Variants in KCNQ4 observed in about 807,000 individuals in gnomAD.
The protein encoded by KCNQ4 is potassium voltage-gated channel subfamily KQT member 4.
A neutral mutation model predicts 72.6 loss-of-function variants in KCNQ4; 31 were observed. That is an observed-to-expected ratio of 0.43 (90% confidence interval 0.32 to 0.58). The LOEUF (loss-of-function observed/expected upper bound fraction) is 0.58. Ranked by LOEUF, KCNQ4 falls within the 20% of genes least tolerant of loss-of-function variation. KCNQ4 has a pLI of 0.08. For missense variants in KCNQ4, 869 were observed against 962.6 expected (o/e 0.90, Z 1.29); for synonymous variants, 405 against 403.7 (o/e 1.00, Z -0.04).
At chr1:40,826,046 A>G (rs537221401) in intron 9 of KCNQ4, among the ~76,000 whole-genome samples, 1 of 152,264 alleles carries the variant, frequency 6.6e-6, no homozygotes, top group African/African-American at 2.4e-5. Context: ...GGGCTGAGCC[A>G]TGGTTTGTAG....
chr1:40,829,890 C>G (rs1648586952), intron 9 of KCNQ4, among the ~76,000 whole-genome samples: 1 of 152,160 alleles, frequency 6.6e-6, no homozygotes, highest in South Asian at 2.1e-4. Flanking sequence ...CCCCAACAGC[C>G]ATAACATTGT....
At chr1:40,786,207 T>G (rs1406444657) in intron 1 of KCNQ4, among the ~76,000 whole-genome samples, 3 of 152,136 alleles carry the variant, frequency 2.0e-5, no homozygotes, top group Non-Finnish European at 4.4e-5. Context: ...CGTGGGCTCC[T>G]CTTGGGAAGG....
chr1:40,790,464 G>T (rs757240520), intron 1 of KCNQ4, among the ~76,000 whole-genome samples: 1 of 152,182 alleles, frequency 6.6e-6, no homozygotes, highest in Non-Finnish European at 1.5e-5. Flanking sequence ...GTCCTGGGGC[G>T]AGTGGTTCTC....
Position 40,818,161 on chromosome 1 carries a change from C to T in KCNQ4, c.406-3C>T, listed in dbSNP as rs770347285. ...ACCAGAACTCAGGCCCCTGGTCCCA[C>T]AGGAATTCGTGATGATCGTGGTTTT... is the stretch of plus-strand genomic sequence containing the variant. On this transcript the variant is annotated splice_region_variant and splice_polypyrimidine_tract_variant and intron_variant, in intron 2 of 13. Coordinates refer to ENST00000347132, the MANE Select transcript of KCNQ4 (RefSeq NM_004700.4). 3 of 1,614,002 alleles carry T rather than the reference C, an allele frequency of 1.9e-6. No individual in the cohort carries two copies. In the South Asian group the frequency reaches 3.3e-5, roughly 18 times the overall value.
chr1:40,820,375 A>G (rs2148320551), intron 7 of KCNQ4, 115 bp downstream of exon 7: 6 of 896,564 alleles, frequency 6.7e-6, no homozygotes, highest in Non-Finnish European at 1.1e-5. Flanking sequence ...TTTGAAGCTC[A>G]AAAGGGCTAT....
intron 7 of KCNQ4, among the ~76,000 whole-genome samples, chr1:40,822,025 G>A (rs1648311840): frequency 6.6e-6 from 1 of 152,190 alleles, no homozygotes; most frequent in Non-Finnish European, 1.5e-5. Flanking sequence ...AAGGGGCAGA[G>A]CTGGGATTGG....
intron 9 of KCNQ4, among the ~76,000 whole-genome samples, chr1:40,824,459 C>T (rs1648416308): frequency 6.6e-6 from 1 of 152,180 alleles, no homozygotes; most frequent in South Asian, 2.1e-4. Context: ...ACCTTTTTGT[C>T]CTGTGGGGCT....
rs140278241 is a variant in KCNQ4 at position 40,794,439 on chromosome 1, A to C, written c.314+10032A>C. ...TATTGTTCCCATTTTGCAGACAAGA[A>C]ACTGGGGCTCAAAGAAGAGAAACAC... On this transcript the variant is annotated intron_variant, in intron 1 of 13. Coordinates refer to ENST00000347132, the MANE Select transcript of KCNQ4 (RefSeq NM_004700.4). This position sits in a 1 kb window ranked among gnomAD's most constrained non-coding sequence, Gnocchi z 4.2. 5.9e-3 allele frequency among the ~76,000 whole-genome samples: 903 copies of C among 152,310 alleles called. 9 individuals carry two copies. The highest frequency in any genetic ancestry group is 0.021 in the African/African-American group (869 of 41,562).
At chr1:40,786,862 G>A (rs1248593773) in intron 1 of KCNQ4, among the ~76,000 whole-genome samples, 1 of 152,124 alleles carries the variant, frequency 6.6e-6, no homozygotes, top group Admixed American at 6.5e-5. Flanking sequence ...CTGTTTGTGA[G>A]GAGCTCCAGA....
At chr1:40,803,969 G>A (rs1056374370) in intron 1 of KCNQ4, among the ~76,000 whole-genome samples, 11 of 152,122 alleles carry the variant, frequency 7.2e-5, no homozygotes, top group Admixed American at 5.9e-4. Context: ...GCTCCTCTTC[G>A]ACCCTGTCAG....
At chr1:40,826,744 A>C in intron 9 of KCNQ4, 1 of 437,442 alleles carries the variant, frequency 2.3e-6, no homozygotes, top group Non-Finnish European at 4.7e-6. Context: ...GCCCCACCCA[A>C]TTTGGGGGCT....
intron 1 of KCNQ4, among the ~76,000 whole-genome samples, chr1:40,808,268 C>T: frequency 1.3e-5 from 2 of 152,130 alleles, no homozygotes; most frequent in South Asian, 4.1e-4. Context: ...TTGGTGGATA[C>T]TTGGGGGTGG....
chr1:40,813,771 G>A (rs1051276901), intron 1 of KCNQ4, among the ~76,000 whole-genome samples: 10 of 151,552 alleles, frequency 6.6e-5, no homozygotes, highest in African/African-American at 1.7e-4. Context: ...TTTTTGAGAC[G>A]GAGTCTCACT....
chr1:40,786,363 G>T (rs1402944941), intron 1 of KCNQ4, among the ~76,000 whole-genome samples: 1 of 152,206 alleles, frequency 6.6e-6, no homozygotes, highest in Non-Finnish European at 1.5e-5. Flanking sequence ...GCTGCTGTTG[G>T]TGCCTCCTTT....
chr1:40,822,286 C>T (rs755265421), intron 7 of KCNQ4, 28 bp from the exon 8 acceptor site: 20 of 1,586,720 alleles, frequency 1.3e-5, no homozygotes, highest in Middle Eastern at 1.7e-4. Context: ...CACTGATGCC[C>T]CATCCCCCAC....
At chr1:40,830,400 G>A (rs2148329167) in intron 9 of KCNQ4, among the ~76,000 whole-genome samples, 1 of 152,320 alleles carries the variant, frequency 6.6e-6, no homozygotes, top group East Asian at 1.9e-4. Flanking sequence ...GCAGTGCACT[G>A]CCTGCACAGC....
chr1:40,794,937 C>A lies in KCNQ4; in HGVS notation c.314+10530C>A, dbSNP rs1349952515. 7.5e-6 allele frequency among the ~76,000 whole-genome samples: 1 copy of A among 132,872 alleles called. No individual in the cohort carries two copies. Among genetic ancestry groups the A allele is most frequent in the Admixed American group, 9.7e-5 (1 of 10,304 alleles). The allele number at this position is 132,872 out of a possible 152,430, so 87.2% of individuals were successfully genotyped here. On this transcript the variant is annotated intron_variant, in intron 1 of 13. Transcript: ENST00000347132. This position sits in a 1 kb window ranked among gnomAD's most constrained non-coding sequence, Gnocchi z 4.2. ...AGGTCCCGCACTTTGCAGTGAGGACCAACCCAAGGCTCTTTCCTAAGATTG... is the reference window on the plus strand; with the variant it reads ...AGGTCCCGCACTTTGCAGTGAGGACAAACCCAAGGCTCTTTCCTAAGATTG...
At chr1:40,808,686 C>T (rs1173669711) in intron 1 of KCNQ4, among the ~76,000 whole-genome samples, 2 of 152,234 alleles carry the variant, frequency 1.3e-5, no homozygotes, top group African/African-American at 4.8e-5. Flanking sequence ...TCCTACTCCA[C>T]ACCAGCTCCT....
At chr1:40,822,941 G>A (rs1648351483) in intron 8 of KCNQ4, among the ~76,000 whole-genome samples, 1 of 152,234 alleles carries the variant, frequency 6.6e-6, no homozygotes, top group Admixed American at 6.5e-5. Context: ...AAGACTGCAT[G>A]GGGGTGGCAC....
Sources: allele counts gnomAD v4.1 joint callset (sites outside exome capture counted in the v4.1 genomes callset), GRCh38; gene constraint gnomAD v4.1.1; non-coding constraint Gnocchi (gnomAD v3.1); transcripts MANE v1.5; gene names NCBI Gene and HGNC (gene_info 2026-07-23, HGNC 2026-07-21).